The following BMPR2 variants were observed in gnomAD, a reference collection of about 807,000 sequenced individuals.
BMPR2 encodes bone morphogenetic protein receptor type-2.
A neutral mutation model predicts 100.8 loss-of-function variants in BMPR2; 29 were observed. The observed-to-expected ratio is 0.29, with a 90% CI of 0.21 to 0.39. The LOEUF is 0.39. BMPR2 is among the 10% of genes least tolerant of loss of function. The pLI is 1.00. For missense variants in BMPR2, 1,011 were observed against 1,274.5 expected, an observed-to-expected ratio of 0.79 and a Z score of 3.15; for synonymous variants, 382 against 442.3, an observed-to-expected ratio of 0.86 and a Z score of 1.71.
chr2:202,517,240 T>G (rs1451732856), intron 5 of BMPR2, among the ~76,000 whole-genome samples: 1 of 151,440 alleles, frequency 6.6e-6, no homozygotes, highest in African/African-American at 2.4e-5. Flanking sequence ...AAAAAAAGAT[T>G]TTTTTTTGTT....
rs1692004042 is a variant in BMPR2 at position 202,452,148 on chromosome 2, T to C, written c.77-12661T>C. ...TTTATCATCCCCCAAAGATTCCTTA[T>C]GCCCCTTTGTATTCTGTTTGCCCCT... On this transcript the variant is annotated intron_variant, in intron 1 of 12. Coordinates refer to ENST00000374580, the MANE Select transcript of BMPR2 (RefSeq NM_001204.7). Among the ~76,000 whole-genome samples, 4 of 152,162 alleles carry C rather than the reference T, an allele frequency of 2.6e-5. No individual in the cohort carries two copies. The South Asian group carries it at 8.3e-4, about 32-fold the overall frequency.
At chr2:202,445,255 T>G (rs1691827832) in intron 1 of BMPR2, among the ~76,000 whole-genome samples, 1 of 149,956 alleles carries the variant, frequency 6.7e-6, no homozygotes, top group Non-Finnish European at 1.5e-5. Context: ...TAAGACAGAG[T>G]CTCCCCCATC....
At chr2:202,499,015 C>T (rs974490296) in intron 3 of BMPR2, among the ~76,000 whole-genome samples, 2 of 152,176 alleles carry the variant, frequency 1.3e-5, no homozygotes, top group Admixed American at 1.3e-4. Flanking sequence ...CTCCTCTAAT[C>T]TCCCCTGCCC....
Position 202,563,143 on chromosome 2 carries a change from A to T in BMPR2, c.*3197A>T, listed in dbSNP as rs543420064. 6 of 152,348 alleles carry T rather than the reference A, an allele frequency of 3.9e-5. No homozygotes were observed. In the East Asian group the frequency reaches 5.8e-4, roughly 15 times the overall value. The allele number at this position is 152,348 out of a possible 1,614,324, so 9.4% of individuals were successfully genotyped here. The stretch of plus-strand genomic sequence containing the variant: ...TGTGTAATGGGCTAACGTTTATTTA[A>T]AAAGTTCAGGCCAGGTGCAGTGGCT... On this transcript the variant is annotated 3_prime_UTR_variant, in exon 13 of 13. Coordinates refer to ENST00000374580, the MANE Select transcript of BMPR2 (RefSeq NM_001204.7).
At chr2:202,449,700 TAACTCCACGGA>T (rs1260188260) in intron 1 of BMPR2, among the ~76,000 whole-genome samples, 2 of 152,236 alleles carry the variant, frequency 1.3e-5, no homozygotes, top group African/African-American at 4.8e-5. Context: ...GCACCCTATG[TAACTCCACGGA>T]ACTGATGGAA....
At chr2:202,429,113 G>A (rs1691451555) in intron 1 of BMPR2, among the ~76,000 whole-genome samples, 1 of 152,138 alleles carries the variant, frequency 6.6e-6, no homozygotes, top group Non-Finnish European at 1.5e-5. Flanking sequence ...GCCTTTATCA[G>A]TTCTCTCCTT....
chr2:202,480,689 C>T (rs947731043), intron 3 of BMPR2, among the ~76,000 whole-genome samples: 1 of 151,946 alleles, frequency 6.6e-6, no homozygotes, highest in Non-Finnish European at 1.5e-5. Flanking sequence ...CACGGTGGCT[C>T]ATGCCTGTAA....
At chr2:202,478,932 TAAATAA>T (rs1336920047) in intron 3 of BMPR2, among the ~76,000 whole-genome samples, 2 of 151,796 alleles carry the variant, frequency 1.3e-5, no homozygotes, top group East Asian at 1.9e-4. Flanking sequence ...TCTCAAACCA[TAAATAA>T]AAATAAAAAA....
intron 3 of BMPR2, among the ~76,000 whole-genome samples, chr2:202,509,106 G>A (rs1405943309): frequency 6.6e-6 from 1 of 152,024 alleles, no homozygotes; most frequent in Non-Finnish European, 1.5e-5. Flanking sequence ...AATAATCTCT[G>A]TCCAAATAAG....
intron 10 of BMPR2, among the ~76,000 whole-genome samples, chr2:202,545,781 A>G (rs2106034608): frequency 6.6e-6 from 1 of 152,342 alleles, no homozygotes; most frequent in East Asian, 1.9e-4. Context: ...TGTCAAGCAC[A>G]TACGTCCAAG....
At position 202,495,152 on chromosome 2, in the gene BMPR2, C is replaced by A. The variant is rs1692995846; in HGVS notation, c.419-18567C>A. 6.6e-6 allele frequency among the ~76,000 whole-genome samples: 1 copy of A among 152,186 alleles called. No homozygotes were observed. Among genetic ancestry groups the A allele is most frequent in the Admixed American group, 6.5e-5 (1 of 15,282 alleles). On this transcript the variant is annotated intron_variant, in intron 3 of 12. Coordinates refer to ENST00000374580, the MANE Select transcript of BMPR2 (RefSeq NM_001204.7). The surrounding 1 kb of genome is among the most constrained non-coding windows in gnomAD (Gnocchi z 4.5). Reference sequence around the variant, plus strand: ...CGGCTTGTGTTAGCTCAATTAGACCCCCTTCCTTATCACAAGGACAGAGGG... The same window carrying A: ...CGGCTTGTGTTAGCTCAATTAGACCACCTTCCTTATCACAAGGACAGAGGG...
At chr2:202,512,669 G>A (rs979716127) in intron 3 of BMPR2, among the ~76,000 whole-genome samples, 1 of 152,134 alleles carries the variant, frequency 6.6e-6, no homozygotes, top group African/African-American at 2.4e-5. Flanking sequence ...CTCTAGATGC[G>A]ATCTGACCCA....
intron 12 of BMPR2, among the ~76,000 whole-genome samples, chr2:202,556,916 C>T (rs1249999175): frequency 1.3e-5 from 2 of 151,450 alleles, no homozygotes; most frequent in Non-Finnish European, 2.9e-5. Flanking sequence ...GAAACCCCAT[C>T]TCTAAAAAAT....
chr2:202,537,062 A>G lies in BMPR2; in HGVS notation c.1276+4330A>G, dbSNP rs556951848. ...CAGGTGCATGCCACCACGCCCGGCT[A>G]GTATTTTATTTTTTGTCGAGACAGT... On this transcript the variant is annotated intron_variant, in intron 9 of 12. Coordinates refer to ENST00000374580, the MANE Select transcript of BMPR2 (RefSeq NM_001204.7). 3.2e-4 allele frequency among the ~76,000 whole-genome samples: 48 copies of G among 151,906 alleles called. No individual in the cohort carries two copies. In the South Asian group the frequency reaches 0.01, roughly 32 times the overall value.
Position 202,559,725 on chromosome 2 carries a change from G to C in BMPR2, c.2896G>C (p.Gly966Arg). Reference protein sequence around the residue: ...IGESTQDGKSGSGEKIKKRVK... With the variant: ...IGESTQDGKSRSGEKIKKRVK... ...TGAGTCAACACAAGATGGCAAATCA[G>C]GATCAGGTGAAAAGATCAAGAAACG... The change falls in exon 13 of 13, where the codon GGA (glycine) becomes CGA (arginine). Residue 966 changes from glycine to arginine, a missense_variant. By Grantham distance (125) the Gly-to-Arg change is moderately radical. Around this residue, in one of 6 missense-constraint regions of BMPR2, gnomAD observed 508 missense variants for 552.0 expected, o/e 0.92. Coordinates refer to ENST00000374580, the MANE Select transcript of BMPR2 (RefSeq NM_001204.7). The C allele has an allele frequency of 6.2e-7, 1 of 1,614,116 alleles. No individual in the cohort carries two copies. The highest frequency in any genetic ancestry group is 8.5e-7 in the Non-Finnish European group (1 of 1,180,014).
intron 3 of BMPR2, among the ~76,000 whole-genome samples, chr2:202,509,657 CT>C (rs1354073430): frequency 3.3e-5 from 5 of 151,738 alleles, no homozygotes; most frequent in African/African-American, 1.2e-4. Context: ...AAAATCTAAC[CT>C]TTGTTACATT....
At chr2:202,391,267 C>T (rs1005708786) in intron 1 of BMPR2, among the ~76,000 whole-genome samples, 3 of 151,746 alleles carry the variant, frequency 2.0e-5, no homozygotes, top group East Asian at 1.9e-4. Context: ...TGAGCCACTG[C>T]GCCTTAGTAA....
At chr2:202,429,483 T>G (rs368409081) in intron 1 of BMPR2, among the ~76,000 whole-genome samples, 2 of 152,224 alleles carry the variant, frequency 1.3e-5, no homozygotes, top group African/African-American at 4.8e-5. Context: ...TCTCCTGGTC[T>G]GCTTTTTGAA....
intron 1 of BMPR2, among the ~76,000 whole-genome samples, chr2:202,395,596 T>A (rs1236545768): frequency 6.6e-6 from 1 of 152,148 alleles, no homozygotes; most frequent in Non-Finnish European, 1.5e-5. Flanking sequence ...TAGTAATAAT[T>A]TGGGCAATGG....
Sources: gnomAD v4.1 joint callset for allele counts (sites outside exome capture counted in the v4.1 genomes callset) on GRCh38, gnomAD v4.1.1 for gene constraint, gnomAD v4.1.1 regional missense constraint, Gnocchi (gnomAD v3.1) non-coding constraint, MANE v1.5 for transcripts, NCBI Gene and HGNC (gene_info 2026-07-23, HGNC 2026-07-21) for gene names.